The following KCNS3 variants were observed in gnomAD, a reference collection of about 807,000 sequenced individuals.
The protein encoded by KCNS3 is potassium voltage-gated channel modifier subfamily S member 3.
KCNS3 carries 13 observed loss-of-function variants against 31.0 expected under a neutral mutation model. That is an observed-to-expected ratio of 0.42 (90% CI 0.27 to 0.67). The LOEUF is 0.67. KCNS3 is among the 30% of genes least tolerant of loss of function. The pLI is 0.25. For missense variants in KCNS3, 545 were observed against 622.4 expected (o/e 0.88, Z 1.32); for synonymous variants, 238 against 241.5 (o/e 0.99, Z 0.13).
At chr2:17,904,106 C>G (rs1662254017) in intron 1 of KCNS3, among the ~76,000 whole-genome samples, 1 of 152,164 alleles carries the variant, frequency 6.6e-6, no homozygotes, top group Non-Finnish European at 1.5e-5. Context: ...TCTCCACATC[C>G]TCTCCAGCAC....
In KCNS3 at chr2:17,884,267, AAATATAT is replaced by A. The variant is rs1392833209; in HGVS notation, c.-252+5463_-252+5469del. Among the ~76,000 whole-genome samples, 319 of 38,680 alleles carry A rather than the reference AAATATAT, an allele frequency of 8.2e-3. 1 individual carries two copies. The highest frequency in any genetic ancestry group is 0.048 in the Middle Eastern group (2 of 42). The allele number at this position is 38,680 out of a possible 152,430, so 25.4% of individuals were successfully genotyped here. A position where few individuals can be genotyped will look rare whatever the true frequency, so the allele number is the denominator to read the frequency against. ...ACTTAAAGTATAATTAAAAAAAAAA[AAATATAT>A]ATATATATATATATATATATATATA... On this transcript the variant is annotated intron_variant, in intron 1 of 2. Coordinates refer to ENST00000304101, the MANE Select transcript of KCNS3 (RefSeq NM_002252.5).
chr2:17,932,287 G>C lies in KCNS3; in HGVS notation c.1279G>C (p.Asp427His). ...CATTGATGTGGACCAGTGCAGTGAG[G>C]ATGCACCAGAGAAGTGTCATGAGCT... ...KDIDVDQCSE[D>H]APEKCHELPY... Residue 427 changes from aspartate (D) to histidine (H), a missense_variant, in exon 3 of 3, where the codon GAT (aspartate) becomes CAT (histidine). Transcript: ENST00000304101. 1 of 1,613,770 alleles carries C rather than the reference G, an allele frequency of 6.2e-7. No homozygotes were observed.
intron 1 of KCNS3, among the ~76,000 whole-genome samples, chr2:17,909,734 G>A (rs554097617): frequency 1.3e-5 from 2 of 152,318 alleles, no homozygotes; most frequent in East Asian, 3.9e-4. Context: ...CAGGCAGAGG[G>A]TTCAGCCACT....
At position 17,931,173 on chromosome 2, in the gene KCNS3, G is replaced by A; in HGVS notation, c.165G>A (p.Glu55=). ...LTCHSEEAIL[E]LCDDYSVADK... ...GCCATTCTGAAGAGGCCATTCTGGA[G>A]CTGTGTGATGATTACAGTGTGGCCG... Residue 55 remains glutamate, a synonymous_variant, in exon 3 of 3, where the codon GAG becomes GAA. Coordinates refer to ENST00000304101, the MANE Select transcript of KCNS3 (RefSeq NM_002252.5). This position sits in a 1 kb window ranked among gnomAD's most constrained non-coding sequence, Gnocchi z 5.4. The A allele has an allele frequency of 3.7e-6, 6 of 1,614,138 alleles. No homozygotes were observed. Among genetic ancestry groups the A allele is most frequent in the Non-Finnish European group, 5.1e-6 (6 of 1,180,014 alleles).
chr2:17,893,420 C>T (rs936312952), intron 1 of KCNS3, among the ~76,000 whole-genome samples: 1 of 152,244 alleles, frequency 6.6e-6, no homozygotes, highest in Non-Finnish European at 1.5e-5. Flanking sequence ...TTCGCAACCT[C>T]TCCTGAGTTC....
At chr2:17,917,138 C>T (rs979536445) in intron 1 of KCNS3, among the ~76,000 whole-genome samples, 1 of 152,102 alleles carries the variant, frequency 6.6e-6, no homozygotes, top group East Asian at 1.9e-4. Context: ...GTGATTGCAC[C>T]TGTGTCATTT....
At chr2:17,909,338 T>A (rs1662416956) in intron 1 of KCNS3, among the ~76,000 whole-genome samples, 1 of 152,118 alleles carries the variant, frequency 6.6e-6, no homozygotes, top group African/African-American at 2.4e-5. Flanking sequence ...GTGACCTGAT[T>A]TTCCAGGTGC....
Position 17,898,898 on chromosome 2 carries a change from C to T in KCNS3, c.-251-18782C>T, listed in dbSNP as rs1475979003. ...TGTACTTTCAATTCCAGTTCTTTCT[C>T]AGATGGCACTCAGGGCTCTGGCAAT... On this transcript the variant is annotated intron_variant, in intron 1 of 2. Coordinates refer to ENST00000304101, the MANE Select transcript of KCNS3 (RefSeq NM_002252.5). 2.0e-5 allele frequency among the ~76,000 whole-genome samples: 3 copies of T among 152,276 alleles called. No individual in the cohort carries two copies. In the East Asian group the frequency reaches 5.8e-4, roughly 29 times the overall value.
rs558693880 is a variant in KCNS3 at position 17,916,521 on chromosome 2, A to G, written c.-251-1159A>G. On this transcript the variant is annotated intron_variant, in intron 1 of 2. Transcript: ENST00000304101. Reference sequence around the variant, plus strand: ...GGGTGGAGCTGCATTTGGCTTCTGGATCTTTCTTCAGTATAATCTCTGTTG... The same window carrying G: ...GGGTGGAGCTGCATTTGGCTTCTGGGTCTTTCTTCAGTATAATCTCTGTTG... Among the ~76,000 whole-genome samples the G allele has an allele frequency of 3.9e-5, 6 of 152,260 alleles. No individual in the cohort carries two copies. The South Asian group carries it at 1.0e-3, about 26-fold the overall frequency.
At chr2:17,890,626 C>T (rs1661825122) in intron 1 of KCNS3, among the ~76,000 whole-genome samples, 1 of 152,066 alleles carries the variant, frequency 6.6e-6, no homozygotes. Context: ...TAGTTTGTGT[C>T]ATCATTGTCA....
At chr2:17,885,040 G>T (rs1341976514) in intron 1 of KCNS3, among the ~76,000 whole-genome samples, 2 of 150,864 alleles carry the variant, frequency 1.3e-5, no homozygotes, top group Non-Finnish European at 2.9e-5. Context: ...GTTAATGTGG[G>T]TTATTTTTTA....
chr2:17,910,760 CTG>C (rs1004117841), intron 1 of KCNS3, among the ~76,000 whole-genome samples: 9 of 152,120 alleles, frequency 5.9e-5, no homozygotes, highest in African/African-American at 2.2e-4. Context: ...CGCAGATTCT[CTG>C]TGTGGCCACA....
At chr2:17,883,999 C>T (rs1184253238) in intron 1 of KCNS3, among the ~76,000 whole-genome samples, 6 of 149,496 alleles carry the variant, frequency 4.0e-5, no homozygotes, top group East Asian at 2.0e-4. Context: ...AGCAAACTAT[C>T]GCAAGGACAA....
intron 1 of KCNS3, among the ~76,000 whole-genome samples, chr2:17,909,104 A>C (rs929402817): frequency 7.2e-5 from 11 of 152,294 alleles, no homozygotes; most frequent in Admixed American, 7.2e-4. Flanking sequence ...AGTGGGCTCC[A>C]CCCAGTTCGA....
Position 17,932,005 on chromosome 2 carries a change from G to C in KCNS3, c.997G>C (p.Val333Leu), listed in dbSNP as rs1017689846. The change falls in exon 3 of 3, where the codon GTG becomes CTG. Residue 333 changes from valine to leucine, a missense_variant. Transcript: ENST00000304101. Reference sequence around the variant, plus strand: ...TGGGCTTCTGCTTCTCTTCCTCTCTGTGGGCATTTCCATTTTCTCTGTGCT... The same window carrying C: ...TGGGCTTCTGCTTCTCTTCCTCTCTCTGGGCATTTCCATTTTCTCTGTGCT... ...EVGLLLLFLS[V>L]GISIFSVLIY... The C allele has an allele frequency of 5.6e-6, 9 of 1,613,976 alleles. No individual in the cohort carries two copies. The African/African-American group carries it at 8.0e-5, about 14-fold the overall frequency.
intron 1 of KCNS3, among the ~76,000 whole-genome samples, chr2:17,892,288 T>C (rs1464029627): frequency 6.6e-6 from 1 of 151,934 alleles, no homozygotes; most frequent in Non-Finnish European, 1.5e-5. Context: ...TTTATTGTTT[T>C]TTTTTTAAGC....
At chr2:17,918,387 A>G (rs983780985) in intron 2 of KCNS3, among the ~76,000 whole-genome samples, 2 of 152,192 alleles carry the variant, frequency 1.3e-5, no homozygotes, top group Admixed American at 1.3e-4. Context: ...CAGGGTTTCC[A>G]GGTTCTCCTG....
chr2:17,904,027 C>T (rs938633225), intron 1 of KCNS3, among the ~76,000 whole-genome samples: 11 of 152,186 alleles, frequency 7.2e-5, no homozygotes, highest in South Asian at 2.1e-4. Context: ...CCTGAGGAGT[C>T]GCCACACTGA....
intron 2 of KCNS3, among the ~76,000 whole-genome samples, chr2:17,927,170 T>C: frequency 6.6e-6 from 1 of 152,202 alleles, no homozygotes. Context: ...TGCTAAAGCA[T>C]AGCAAGAATG....
Sources: gnomAD v4.1 joint callset for allele counts (sites outside exome capture counted in the v4.1 genomes callset) on GRCh38, gnomAD v4.1.1 for gene constraint, Gnocchi (gnomAD v3.1) non-coding constraint, MANE v1.5 for transcripts, NCBI Gene and HGNC (gene_info 2026-07-23, HGNC 2026-07-21) for gene names.